SLC39A11: variants seen among roughly 807,000 people sequenced by gnomAD.
SLC39A11 encodes zinc transporter ZIP11.
A neutral mutation model predicts 36.1 loss-of-function variants in SLC39A11; 33 were observed. That is an observed-to-expected ratio of 0.91 (90% CI 0.69 to 1.22). The LOEUF (loss-of-function observed/expected upper bound fraction) is 1.22, where lower values mean the gene tolerates loss of function less well. Among genes scored for constraint, SLC39A11 ranks in the 50% most tolerant of loss-of-function variants. The pLI is 0.00. For missense variants in SLC39A11, 432 were observed against 430.3 expected (o/e 1.00, Z -0.03); for synonymous variants, 166 against 170.3 (o/e 0.97, Z 0.20).
intron 4 of SLC39A11, among the ~76,000 whole-genome samples, chr17:72,948,260 C>A (rs1370787830): frequency 6.6e-6 from 1 of 150,866 alleles, no homozygotes; most frequent in Non-Finnish European, 1.5e-5. Flanking sequence ...CCACTGCAAG[C>A]GTCATCGCCG....
At chr17:72,922,683 C>A (rs2083743652) in intron 5 of SLC39A11, among the ~76,000 whole-genome samples, 1 of 152,030 alleles carries the variant, frequency 6.6e-6, no homozygotes, top group Admixed American at 6.6e-5. Context: ...AACACTAAAC[C>A]CTGGTCAGGC....
At chr17:72,807,485 C>G (rs1023714599) in intron 6 of SLC39A11, among the ~76,000 whole-genome samples, 1 of 152,124 alleles carries the variant, frequency 6.6e-6, no homozygotes, top group East Asian at 1.9e-4. Context: ...TAGATAGTCT[C>G]AGGGTGGGCT....
intron 4 of SLC39A11, among the ~76,000 whole-genome samples, chr17:72,983,231 C>G (rs1421694884): frequency 2.0e-5 from 3 of 152,044 alleles, no homozygotes; most frequent in Admixed American, 1.3e-4. Context: ...CTCACTGCAG[C>G]CTCCACCTCC....
At chr17:72,753,702 C>G (rs550194122) in intron 6 of SLC39A11, among the ~76,000 whole-genome samples, 1 of 151,482 alleles carries the variant, frequency 6.6e-6, no homozygotes, top group Non-Finnish European at 1.5e-5. Context: ...TTCAGGGAGG[C>G]GGGTTGACAT....
chr17:72,930,764 C>G (rs954532530), intron 5 of SLC39A11, among the ~76,000 whole-genome samples: 1 of 152,172 alleles, frequency 6.6e-6, no homozygotes. Context: ...TGGTGGGGCC[C>G]TAGCAACAGA....
chr17:73,055,804 G>A (rs1332767990), intron 3 of SLC39A11, among the ~76,000 whole-genome samples: 1 of 152,094 alleles, frequency 6.6e-6, no homozygotes, highest in Non-Finnish European at 1.5e-5. Context: ...ATCATAGGCA[G>A]CCAGCTGGTT....
intron 6 of SLC39A11, among the ~76,000 whole-genome samples, chr17:72,773,512 C>T (rs1178660490): frequency 6.6e-6 from 1 of 152,128 alleles, no homozygotes; most frequent in Admixed American, 6.5e-5. Context: ...TCACCTTCTG[C>T]CATGATTGTG....
intron 5 of SLC39A11, among the ~76,000 whole-genome samples, chr17:72,861,740 TTATATA>T (rs71945815): frequency 0.082 from 5,454 of 66,794 alleles, 244 homozygotes; most frequent in Non-Finnish European, 0.1. Flanking sequence ...ACATTGGAGA[TTATATA>T]TATATATATA....
intron 3 of SLC39A11, among the ~76,000 whole-genome samples, chr17:73,045,491 T>C (rs1456746065): frequency 6.7e-6 from 1 of 149,316 alleles, no homozygotes; most frequent in Non-Finnish European, 1.5e-5. Flanking sequence ...TCAGCCAACA[T>C]TTACTAAGCA....
chr17:72,895,889 A>T (rs2082002618), intron 5 of SLC39A11, among the ~76,000 whole-genome samples: 1 of 152,182 alleles, frequency 6.6e-6, no homozygotes, highest in Non-Finnish European at 1.5e-5. Context: ...TTAAATGAAA[A>T]TTGCTAATAT....
At chr17:72,681,773 G>C (rs978970103) in intron 7 of SLC39A11, among the ~76,000 whole-genome samples, 6 of 152,218 alleles carry the variant, frequency 3.9e-5, no homozygotes, top group African/African-American at 1.4e-4. Context: ...GTGTGAAGAT[G>C]ATCCACTTCC....
intron 5 of SLC39A11, among the ~76,000 whole-genome samples, chr17:72,939,631 G>A (rs559173880): frequency 4.5e-4 from 68 of 152,210 alleles, no homozygotes; most frequent in African/African-American, 1.5e-3. Context: ...ACACAGGGAC[G>A]AAGGTCACAA....
intron 6 of SLC39A11, among the ~76,000 whole-genome samples, chr17:72,754,863 G>A (rs558678307): frequency 1.2e-4 from 19 of 152,346 alleles, no homozygotes; most frequent in Middle Eastern, 3.4e-3. Flanking sequence ...AAGCATGCCC[G>A]TGTGAGTGTG....
intron 4 of SLC39A11, among the ~76,000 whole-genome samples, chr17:72,983,963 C>A (rs1047673029): frequency 1.3e-5 from 2 of 152,150 alleles, no homozygotes; most frequent in African/African-American, 4.8e-5. Flanking sequence ...GCCCTCTAGA[C>A]CCCTTTCCTG....
chr17:72,696,688 A>G (rs985526373), intron 7 of SLC39A11, among the ~76,000 whole-genome samples: 29 of 152,322 alleles, frequency 1.9e-4, no homozygotes, highest in African/African-American at 6.5e-4. Flanking sequence ...GGAACTTCCA[A>G]TGTATCCACA....
intron 4 of SLC39A11, among the ~76,000 whole-genome samples, chr17:73,026,924 C>A (rs982262412): frequency 2.4e-4 from 36 of 152,002 alleles, no homozygotes; most frequent in African/African-American, 8.4e-4. Context: ...TCAAGACTAG[C>A]CCGGGCAACA....
At chr17:72,951,253 C>T (rs1316175355) in intron 4 of SLC39A11, among the ~76,000 whole-genome samples, 1 of 120,758 alleles carries the variant, frequency 8.3e-6, no homozygotes, top group Non-Finnish European at 1.7e-5. Context: ...CGGAGAGTGA[C>T]CCTGTTGCAA....
chr17:72,839,120 G>C (rs2078696178), intron 6 of SLC39A11: 1 of 152,222 alleles, frequency 6.6e-6, no homozygotes, highest in Non-Finnish European at 1.5e-5. Flanking sequence ...TGACACAGCT[G>C]ATAGCCCATG....
chr17:73,021,625 C>CA (rs2058355535), intron 4 of SLC39A11, among the ~76,000 whole-genome samples: 1 of 152,160 alleles, frequency 6.6e-6, no homozygotes, highest in Non-Finnish European at 1.5e-5. Flanking sequence ...CCGCTCCCAG[C>CA]CTCTTTCCCC....
Sources: gnomAD v4.1 joint callset for allele counts (sites outside exome capture counted in the v4.1 genomes callset) on GRCh38, gnomAD v4.1.1 for gene constraint, MANE v1.5 for transcripts, NCBI Gene and HGNC (gene_info 2026-07-23, HGNC 2026-07-21) for gene names.